Variants in FGGY observed in about 807,000 individuals in gnomAD.
FGGY encodes the protein FGGY carbohydrate kinase domain containing.
Under a neutral mutation model 71.3 loss-of-function variants are expected in FGGY, and 72 were observed. The ratio of observed to expected loss-of-function variants is 1.01; its 90% CI spans 0.84 to 1.23. FGGY has a LOEUF of 1.23. FGGY is among the 50% of genes most tolerant of loss of function. FGGY has a pLI of 0.00. For synonymous variants in FGGY, 251 were observed against 250.3 expected, an observed-to-expected ratio of 1.00 and a Z score of -0.02; for missense variants, 668 against 682.3, an observed-to-expected ratio of 0.98 and a Z score of 0.23.
At chr1:59,577,740 A>T (rs939634218) in intron 8 of FGGY, among the ~76,000 whole-genome samples, 1 of 152,172 alleles carries the variant, frequency 6.6e-6, no homozygotes, top group East Asian at 1.9e-4. Context: ...ATTTCATTTC[A>T]TAAGTTAGAG....
rs527640940 is a variant in FGGY at position 59,374,685 on chromosome 1, A to G, written c.466-4064A>G. Among the ~76,000 whole-genome samples, 13 of 152,268 alleles carry G rather than the reference A, an allele frequency of 8.5e-5. No homozygotes were observed. The South Asian group carries it at 2.3e-3, about 27-fold the overall frequency. On this transcript the variant is annotated intron_variant, in intron 4 of 15. Coordinates refer to ENST00000303721, the MANE Select transcript of FGGY (RefSeq NM_018291.5). ...TCCAACAATGATAGACTGGATTAAG[A>G]AAATGTGGCACATATACACCATGGA...
chr1:59,404,347 T>C (rs949311101), intron 5 of FGGY, among the ~76,000 whole-genome samples: 6 of 152,084 alleles, frequency 3.9e-5, no homozygotes, highest in Non-Finnish European at 7.4e-5. Context: ...GGCATGCACA[T>C]GTATCCCGGA....
intron 2 of FGGY, among the ~76,000 whole-genome samples, chr1:59,333,841 A>T (rs1253971265): frequency 6.6e-6 from 1 of 152,172 alleles, no homozygotes; most frequent in African/African-American, 2.4e-5. Flanking sequence ...GTCTAGATAG[A>T]TCAGTGTGGT....
chr1:59,742,216 C>T (rs191416360), intron 14 of FGGY, among the ~76,000 whole-genome samples: 2 of 152,302 alleles, frequency 1.3e-5, no homozygotes, highest in Admixed American at 6.5e-5. Context: ...TTTCTCACCA[C>T]CACCCCTGCC....
At chr1:59,754,807 A>G (rs559567038) in intron 14 of FGGY, 1 of 152,466 alleles carries the variant, frequency 6.6e-6, no homozygotes, top group East Asian at 1.9e-4. Flanking sequence ...TCTCTCATAC[A>G]TGGGCCACTT....
chr1:59,371,845 G>C (rs564202439), intron 4 of FGGY, among the ~76,000 whole-genome samples: 26 of 152,282 alleles, frequency 1.7e-4, no homozygotes, highest in Admixed American at 4.6e-4. Flanking sequence ...AAATAAAGAT[G>C]TTCTTTGAAA....
intron 6 of FGGY, among the ~76,000 whole-genome samples, chr1:59,472,484 A>G (rs2093008539): frequency 6.6e-6 from 1 of 152,232 alleles, no homozygotes; most frequent in Non-Finnish European, 1.5e-5. Flanking sequence ...ACGGCGCGGG[A>G]CTGGCAGGCA....
chr1:59,384,276 C>G (rs1342201499), intron 5 of FGGY, among the ~76,000 whole-genome samples: 1 of 151,184 alleles, frequency 6.6e-6, no homozygotes, highest in Non-Finnish European at 1.5e-5. Context: ...CTTCCCATTT[C>G]CCTCTCTTCC....
chr1:59,651,449 A>G (rs1362045059), intron 11 of FGGY, among the ~76,000 whole-genome samples: 2 of 148,192 alleles, frequency 1.3e-5, no homozygotes, highest in African/African-American at 5.1e-5. Flanking sequence ...TATTGGGTGC[A>G]TATATATTTA....
At chr1:59,613,651 G>A (rs1339926162) in intron 9 of FGGY, among the ~76,000 whole-genome samples, 2 of 152,100 alleles carry the variant, frequency 1.3e-5, no homozygotes, top group East Asian at 1.9e-4. Context: ...TAAAATCAGA[G>A]CAGAACTGAA....
intron 8 of FGGY, among the ~76,000 whole-genome samples, chr1:59,574,220 T>A (rs1424364439): frequency 6.6e-6 from 1 of 152,188 alleles, no homozygotes; most frequent in Admixed American, 6.5e-5. Flanking sequence ...GGAAAACCTG[T>A]TCCTTGCTTC....
intron 14 of FGGY, among the ~76,000 whole-genome samples, chr1:59,752,734 G>A (rs2101725872): frequency 6.6e-6 from 1 of 152,318 alleles, no homozygotes; most frequent in African/African-American, 2.4e-5. Context: ...ATGCAGGCCT[G>A]GCTGTTGCCA....
At chr1:59,421,546 T>C (rs1308166922) in intron 5 of FGGY, among the ~76,000 whole-genome samples, 1 of 149,382 alleles carries the variant, frequency 6.7e-6, no homozygotes, top group Non-Finnish European at 1.5e-5. Flanking sequence ...TCCCTTTTCT[T>C]CTTTTTTCCC....
At chr1:59,319,008 G>T (rs2045934422) in intron 1 of FGGY, among the ~76,000 whole-genome samples, 1 of 152,210 alleles carries the variant, frequency 6.6e-6, no homozygotes, top group African/African-American at 2.4e-5. Context: ...CTCAGCGAAG[G>T]CATTGCCCCT....
At chr1:59,649,309 G>C (rs1406519339) in intron 11 of FGGY, among the ~76,000 whole-genome samples, 2 of 142,464 alleles carry the variant, frequency 1.4e-5, no homozygotes, top group Non-Finnish European at 3.0e-5. Flanking sequence ...AGCTTGATGG[G>C]GATGGCATTG....
intron 1 of FGGY, among the ~76,000 whole-genome samples, chr1:59,319,641 A>G (rs2046037613): frequency 6.6e-6 from 1 of 152,196 alleles, no homozygotes; most frequent in Non-Finnish European, 1.5e-5. Context: ...AGGGATGAGC[A>G]AAGGATTGGG....
In FGGY at chr1:59,381,493, A is replaced by C. The variant is rs186818033; in HGVS notation, c.554+2656A>C. 3.5e-3 allele frequency among the ~76,000 whole-genome samples: 529 copies of C among 152,204 alleles called. 4 individuals carry two copies. The highest frequency in any genetic ancestry group is 0.012 in the African/African-American group (513 of 41,520). ...TGAGATACAAACATACACATTATCC[A>C]AGGCCTACACAGGGTCAGGATCATC... On this transcript the variant is annotated intron_variant, in intron 5 of 15. Coordinates refer to ENST00000303721, the MANE Select transcript of FGGY (RefSeq NM_018291.5).
intron 9 of FGGY, among the ~76,000 whole-genome samples, chr1:59,617,638 C>T (rs916914237): frequency 1.3e-5 from 2 of 152,074 alleles, no homozygotes; most frequent in Non-Finnish European, 2.9e-5. Flanking sequence ...ACACTGACCC[C>T]GTGCAGTTCC....
chr1:59,492,023 T>G (rs1220767194), intron 6 of FGGY, among the ~76,000 whole-genome samples: 1 of 152,144 alleles, frequency 6.6e-6, no homozygotes, highest in Non-Finnish European at 1.5e-5. Context: ...ACAATATATT[T>G]AGGGTGATAA....
Sources: allele counts gnomAD v4.1 joint callset (sites outside exome capture counted in the v4.1 genomes callset), GRCh38; gene constraint gnomAD v4.1.1; transcripts MANE v1.5; gene names NCBI Gene and HGNC (gene_info 2026-07-23, HGNC 2026-07-21).